The following GAP43 variants were observed in gnomAD, a reference collection of about 807,000 sequenced individuals.
The protein encoded by GAP43 is neuromodulin.
A neutral mutation model predicts 18.6 loss-of-function variants in GAP43; 6 were observed. The ratio of observed to expected loss-of-function variants is 0.32; its 90% CI spans 0.18 to 0.64. GAP43 has a LOEUF of 0.64. Ranked by LOEUF, GAP43 falls within the 30% of genes least tolerant of loss-of-function variation. GAP43 has a pLI of 0.78. For missense variants in GAP43, 292 were observed against 295.5 expected (o/e 0.99, Z 0.09); for synonymous variants, 115 against 111.4 (o/e 1.03, Z -0.20).
intron 1 of GAP43, among the ~76,000 whole-genome samples, chr3:115,649,019 A>C (rs1559791794): frequency 6.6e-6 from 1 of 152,186 alleles, no homozygotes; most frequent in Non-Finnish European, 1.5e-5. Context: ...TAGAAGAAAT[A>C]CAGATAACTG....
intron 2 of GAP43, among the ~76,000 whole-genome samples, chr3:115,716,337 T>G (rs1709501794): frequency 6.6e-6 from 1 of 152,196 alleles, no homozygotes; most frequent in African/African-American, 2.4e-5. Flanking sequence ...TATAATAAGT[T>G]CTGCTTTGTC....
At chr3:115,625,445 G>A (rs1708175853) in intron 1 of GAP43, among the ~76,000 whole-genome samples, 1 of 152,074 alleles carries the variant, frequency 6.6e-6, no homozygotes, top group Non-Finnish European at 1.5e-5. Context: ...TCTGGGTTAA[G>A]AACACTGTCA....
At chr3:115,639,490 A>C (rs1708370813) in intron 1 of GAP43, among the ~76,000 whole-genome samples, 1 of 152,096 alleles carries the variant, frequency 6.6e-6, no homozygotes, top group Non-Finnish European at 1.5e-5. Flanking sequence ...CTCCTCCCAC[A>C]GGAATCCTGG....
intron 1 of GAP43, among the ~76,000 whole-genome samples, chr3:115,628,516 T>C (rs1576974828): frequency 6.6e-6 from 1 of 152,236 alleles, no homozygotes; most frequent in South Asian, 2.1e-4. Context: ...TTTCATAATT[T>C]CACTGAAAAA....
chr3:115,625,722 G>A (rs1443562869), intron 1 of GAP43, among the ~76,000 whole-genome samples: 1 of 152,070 alleles, frequency 6.6e-6, no homozygotes, highest in East Asian at 1.9e-4. Flanking sequence ...CCTTCCCTGG[G>A]GCTCTATCTC....
At chr3:115,632,620 A>T (rs1006003919) in intron 1 of GAP43, among the ~76,000 whole-genome samples, 9 of 152,196 alleles carry the variant, frequency 5.9e-5, no homozygotes, top group African/African-American at 2.2e-4. Flanking sequence ...AAACATATGG[A>T]TAACATTTAG....
chr3:115,651,717 G>C (rs1708519872), intron 1 of GAP43, among the ~76,000 whole-genome samples: 1 of 151,986 alleles, frequency 6.6e-6, no homozygotes, highest in South Asian at 2.1e-4. Context: ...CATGTAATCT[G>C]TTCTTCCCTC....
chr3:115,710,115 T>C (rs1194724837), intron 2 of GAP43, among the ~76,000 whole-genome samples: 1 of 152,160 alleles, frequency 6.6e-6, no homozygotes, highest in Non-Finnish European at 1.5e-5. Flanking sequence ...GTTTGAGAAC[T>C]ACAATTTAAA....
chr3:115,671,934 G>A (rs1466089850), intron 1 of GAP43, among the ~76,000 whole-genome samples: 1 of 152,202 alleles, frequency 6.6e-6, no homozygotes, highest in Non-Finnish European at 1.5e-5. Flanking sequence ...GCACTATGAT[G>A]TGGTTTAAGT....
chr3:115,634,918 A>G (rs1322477151), intron 1 of GAP43, among the ~76,000 whole-genome samples: 1 of 152,176 alleles, frequency 6.6e-6, no homozygotes, highest in East Asian at 1.9e-4. Context: ...GAAAGGAATA[A>G]GCATTGAGTT....
At chr3:115,629,487 A>T (rs548732913) in intron 1 of GAP43, among the ~76,000 whole-genome samples, 41 of 149,964 alleles carry the variant, frequency 2.7e-4, no homozygotes, top group African/African-American at 9.8e-4. Flanking sequence ...CTCTCTGCCC[A>T]TGTTACCCTT....
intron 1 of GAP43, among the ~76,000 whole-genome samples, chr3:115,625,460 A>G (rs894375354): frequency 3.3e-5 from 5 of 152,138 alleles, no homozygotes; most frequent in Non-Finnish European, 5.9e-5. Flanking sequence ...CTGTCAAAGA[A>G]AAGTCCTGAG....
chr3:115,673,980 T>A (rs1708846634), intron 1 of GAP43, among the ~76,000 whole-genome samples: 1 of 152,250 alleles, frequency 6.6e-6, no homozygotes, highest in Non-Finnish European at 1.5e-5. Context: ...ACTGGTATGT[T>A]GATGGTCCTA....
At chr3:115,661,726 G>A (rs1477526657) in intron 1 of GAP43, among the ~76,000 whole-genome samples, 1 of 151,668 alleles carries the variant, frequency 6.6e-6, no homozygotes, top group Non-Finnish European at 1.5e-5. Flanking sequence ...CTGACCTCGT[G>A]ATCCACCCGC....
intron 2 of GAP43, among the ~76,000 whole-genome samples, chr3:115,688,816 A>G (rs1268188688): frequency 2.0e-5 from 3 of 152,242 alleles, no homozygotes; most frequent in Non-Finnish European, 2.9e-5. Flanking sequence ...ATACAAAGCT[A>G]TGAATTTATA....
At chr3:115,706,659 T>C (rs574070124) in intron 2 of GAP43, among the ~76,000 whole-genome samples, 14 of 152,352 alleles carry the variant, frequency 9.2e-5, no homozygotes, top group African/African-American at 2.9e-4. Flanking sequence ...CCCTTCAAGT[T>C]TGGCCGATGG....
rs116773547 is a variant in GAP43, at chr3:115,718,728, G to A, written c.629-2066G>A. On this transcript the variant is annotated intron_variant, in intron 2 of 2. Transcript: ENST00000305124. The stretch of plus-strand genomic sequence containing the variant: ...GTATTATAAGGTAAAATTACCCATC[G>A]TAGCTGCTTACTTTATTTACCAGAC... Among the ~76,000 whole-genome samples, 386 of 152,190 alleles carry A rather than the reference G, an allele frequency of 2.5e-3. 1 individual carries two copies. The highest frequency in any genetic ancestry group is 8.9e-3 in the African/African-American group (371 of 41,502).
chr3:115,700,803 T>C (rs1709288978), intron 2 of GAP43, among the ~76,000 whole-genome samples: 1 of 152,158 alleles, frequency 6.6e-6, no homozygotes, highest in Non-Finnish European at 1.5e-5. Flanking sequence ...ATTTTTTCTA[T>C]CTGTAGTATT....
At chr3:115,674,578 G>T (rs1708856915) in intron 1 of GAP43, among the ~76,000 whole-genome samples, 1 of 152,082 alleles carries the variant, frequency 6.6e-6, no homozygotes, top group Non-Finnish European at 1.5e-5. Context: ...CACATTTTAG[G>T]TTCCCAATTG....
Sources: gnomAD v4.1 joint callset for allele counts (sites outside exome capture counted in the v4.1 genomes callset) on GRCh38, gnomAD v4.1.1 for gene constraint, MANE v1.5 for transcripts, NCBI Gene and HGNC (gene_info 2026-07-23, HGNC 2026-07-21) for gene names.